The following JAZF1 variants were observed in gnomAD, a reference collection of about 807,000 sequenced individuals.
The protein encoded by JAZF1 is JAZF zinc finger 1.
A neutral mutation model predicts 26.4 loss-of-function variants in JAZF1; 8 were observed. The observed-to-expected ratio is 0.30, with a 90% confidence interval of 0.18 to 0.55. The LOEUF is 0.55. Ranked by LOEUF, JAZF1 falls within the 20% of genes least tolerant of loss-of-function variation. The pLI is 0.94. For missense variants in JAZF1, 199 were observed against 322.0 expected, an observed-to-expected ratio of 0.62 and a Z score of 2.92; for synonymous variants, 126 against 122.3, an observed-to-expected ratio of 1.03 and a Z score of -0.20.
In JAZF1 at chr7:28,109,679, C is replaced by G. The variant is rs114724674; in HGVS notation, c.115+70784G>C. Among the ~76,000 whole-genome samples, 153 of 152,314 alleles carry G rather than the reference C, an allele frequency of 1.0e-3. 1 individual carries two copies. Among genetic ancestry groups the G allele is most frequent in the African/African-American group, 3.6e-3 (149 of 41,566 alleles). ...AATTAACTAGTCCTAGATAATAGAG[C>G]TAGTGAATGGCTGAACTGGGACTCA... On this transcript the variant is annotated intron_variant, in intron 1 of 4. Transcript: ENST00000283928.
chr7:27,842,062 T>A lies in JAZF1; in HGVS notation c.386-1195A>T, dbSNP rs547335320. Reference sequence around the variant, plus strand: ...ACCAAATATTGGCACTTTTATTGGGTTTCATTTTAATAGGCATTAATAAGA... The same window carrying A: ...ACCAAATATTGGCACTTTTATTGGGATTCATTTTAATAGGCATTAATAAGA... On this transcript the variant is annotated intron_variant, in intron 3 of 4. Coordinates refer to ENST00000283928, the MANE Select transcript of JAZF1 (RefSeq NM_175061.4). The A allele has an allele frequency of 1.4e-4, 21 of 152,216 alleles. No homozygotes were observed. In the East Asian group the frequency reaches 4.1e-3, roughly 29 times the overall value. The allele number at this position is 152,216 out of a possible 1,614,324, so 9.4% of individuals were successfully genotyped here.
chr7:27,940,668 C>T (rs956086529), intron 2 of JAZF1, among the ~76,000 whole-genome samples: 3 of 152,124 alleles, frequency 2.0e-5, no homozygotes, highest in South Asian at 2.1e-4. Flanking sequence ...TGGGTGGAGG[C>T]GGCCTGGGTC....
chr7:28,099,861 T>G (rs79499556), intron 1 of JAZF1, among the ~76,000 whole-genome samples: 1,837 of 152,320 alleles, frequency 0.012, 46 homozygotes, highest in African/African-American at 0.041. Context: ...CAAAAAGATA[T>G]GGCCTTTTAG....
intron 1 of JAZF1, among the ~76,000 whole-genome samples, chr7:28,004,296 T>C (rs1341298330): frequency 1.3e-5 from 2 of 152,028 alleles, no homozygotes; most frequent in Non-Finnish European, 2.9e-5. Flanking sequence ...TATGATCCCA[T>C]CTGTGAGTTT....
At chr7:28,105,143 T>C (rs1007090256) in intron 1 of JAZF1, among the ~76,000 whole-genome samples, 9 of 151,990 alleles carry the variant, frequency 5.9e-5, no homozygotes, top group African/African-American at 2.2e-4. Context: ...CAAACAGAAA[T>C]GATACAGAGT....
At position 28,087,752 on chromosome 7, in the gene JAZF1, A is replaced by G. The variant is rs190314054; in HGVS notation, c.115+92711T>C. Among the ~76,000 whole-genome samples, 678 of 152,358 alleles carry G rather than the reference A, an allele frequency of 4.5e-3. 1 individual carries two copies. The highest frequency in any genetic ancestry group is 0.021 in the Middle Eastern group (6 of 292). On this transcript the variant is annotated intron_variant, in intron 1 of 4. Coordinates refer to ENST00000283928, the MANE Select transcript of JAZF1 (RefSeq NM_175061.4). ...TTTTCAAAATTCCTAATCAGGAAGA[A>G]TGCAAGGAGGAGGTCATTTGTCTAT...
At chr7:27,976,715 T>C (rs38504) in intron 2 of JAZF1, among the ~76,000 whole-genome samples, 125,105 of 151,948 alleles carry the variant, frequency 0.82, 52,135 homozygotes, top group African/African-American at 0.94. Context: ...AAAAAAGTCA[T>C]CGCTTTTAGA....
Position 27,832,725 on chromosome 7 carries a change from C to G in JAZF1, c.*75G>C. 1 of 1,211,214 alleles carries G rather than the reference C, an allele frequency of 8.3e-7. No homozygotes were observed. Among genetic ancestry groups the G allele is most frequent in the Non-Finnish European group, 1.1e-6 (1 of 890,332 alleles). 75.0% of individuals were successfully genotyped at this position (1,211,214 alleles called of 1,614,324 possible). A position where few individuals can be genotyped will look rare whatever the true frequency, so the allele number is the denominator to read the frequency against. On this transcript the variant is annotated 3_prime_UTR_variant, in exon 5 of 5. Coordinates refer to ENST00000283928, the MANE Select transcript of JAZF1 (RefSeq NM_175061.4). ...TCTTTAAAGGGTTGCTGAATGCTTC[C>G]CCTGAAAAAAGGTGGCTGTTTTCAA...
rs566039878 is a variant in JAZF1 at position 28,065,828 on chromosome 7, T to G, written c.116-73847A>C. Among the ~76,000 whole-genome samples the G allele has an allele frequency of 2.7e-3, 410 of 152,272 alleles. 2 individuals carry two copies. Among genetic ancestry groups the G allele is most frequent in the Non-Finnish European group, 4.3e-3 (295 of 68,026 alleles). On this transcript the variant is annotated intron_variant, in intron 1 of 4. Transcript: ENST00000283928. The stretch of plus-strand genomic sequence containing the variant: ...AAAACTACAACACGTTTTATTTGTG[T>G]GTTAGCGATTACAGCCCGGGGCTAT...
intron 4 of JAZF1, among the ~76,000 whole-genome samples, chr7:27,835,680 T>A (rs1782792754): frequency 6.6e-6 from 1 of 152,068 alleles, no homozygotes; most frequent in Admixed American, 6.5e-5. Flanking sequence ...CAAGTGAGAC[T>A]CTATTAAGAC....
At position 27,909,733 on chromosome 7, in the gene JAZF1, AAAAC is replaced by A. The variant is rs557342536; in HGVS notation, c.189-14321_189-14318del. ...AAAACAAAAAACAAAACAAAACAAA[AAAAC>A]AAAAAACCCACAACAACCGCCACAA... On this transcript the variant is annotated intron_variant, in intron 2 of 4. Coordinates refer to ENST00000283928, the MANE Select transcript of JAZF1 (RefSeq NM_175061.4). 3.6e-4 allele frequency among the ~76,000 whole-genome samples: 55 copies of A among 152,196 alleles called. No homozygotes were observed. The South Asian group carries it at 7.1e-3, about 20-fold the overall frequency.
chr7:27,870,114 A>G (rs1783556084), intron 3 of JAZF1, among the ~76,000 whole-genome samples: 1 of 134,580 alleles, frequency 7.4e-6, no homozygotes, highest in Non-Finnish European at 1.5e-5. Context: ...TTTAGTAGAG[A>G]CTGGGTTTCA....
chr7:28,129,395 T>C lies in JAZF1; in HGVS notation c.115+51068A>G, dbSNP rs113255639. ...CATCAGAATCACTTGTGATGCCTAA[T>C]AAGAATGGAGATTTCTGGGGCCCGA... On this transcript the variant is annotated intron_variant, in intron 1 of 4. Transcript: ENST00000283928. Among the ~76,000 whole-genome samples the C allele has an allele frequency of 2.4e-4, 37 of 152,180 alleles. 1 individual carries two copies. Among genetic ancestry groups the C allele is most frequent in the African/African-American group, 8.7e-4 (36 of 41,518 alleles).
chr7:27,836,970 C>T (rs1782825545), intron 4 of JAZF1, among the ~76,000 whole-genome samples: 1 of 152,170 alleles, frequency 6.6e-6, no homozygotes, highest in Non-Finnish European at 1.5e-5. Context: ...CACACTCTCT[C>T]TCTCAATACC....
chr7:28,164,266 T>C (rs189970840), intron 1 of JAZF1, among the ~76,000 whole-genome samples: 3 of 152,362 alleles, frequency 2.0e-5, no homozygotes, highest in Admixed American at 1.3e-4. Flanking sequence ...TGTCTAAAGC[T>C]ACTGAGTTTT....
intron 1 of JAZF1, among the ~76,000 whole-genome samples, chr7:28,126,909 C>T (rs1292297227): frequency 6.6e-6 from 1 of 152,136 alleles, no homozygotes; most frequent in Non-Finnish European, 1.5e-5. Context: ...CCCTACCCCA[C>T]CCCCAGAAAA....
chr7:27,877,684 G>C (rs1293556361), intron 3 of JAZF1, among the ~76,000 whole-genome samples: 5 of 152,242 alleles, frequency 3.3e-5, no homozygotes, highest in Non-Finnish European at 5.9e-5. Context: ...ATTCTGGCAA[G>C]TCAGCATCTT....
At chr7:28,033,549 G>A (rs1173787859) in intron 1 of JAZF1, among the ~76,000 whole-genome samples, 3 of 152,160 alleles carry the variant, frequency 2.0e-5, no homozygotes, top group Admixed American at 2.0e-4. Flanking sequence ...GAGCAGGTTT[G>A]GGGAATTACT....
In JAZF1 at chr7:27,967,020, G is replaced by A. The variant is rs78975149; in HGVS notation, c.188+24889C>T. 9.7e-3 allele frequency among the ~76,000 whole-genome samples: 1,479 copies of A among 152,290 alleles called. 6 individuals carry two copies. Among genetic ancestry groups the A allele is most frequent in the South Asian group, 0.017 (81 of 4,822 alleles). On this transcript the variant is annotated intron_variant, in intron 2 of 4. Transcript: ENST00000283928. ...AGGGTCTATGCCAGTGATAAACCAA[G>A]AGATCTGAAAAGGCCCAACTACCAT... is the stretch of plus-strand genomic sequence containing the variant.
Sources: allele counts gnomAD v4.1 joint callset (sites outside exome capture counted in the v4.1 genomes callset), GRCh38; gene constraint gnomAD v4.1.1; transcripts MANE v1.5; gene names NCBI Gene and HGNC (gene_info 2026-07-23, HGNC 2026-07-21).